CTNNA3: variants seen among roughly 807,000 people sequenced by gnomAD.
CTNNA3 encodes the protein catenin alpha 3, also known as catenin alpha-3.
CTNNA3 carries 76 observed loss-of-function variants against 95.7 expected under a neutral mutation model. The ratio of observed to expected loss-of-function variants is 0.79; its 90% CI spans 0.66 to 0.96. The LOEUF (loss-of-function observed/expected upper bound fraction) is 0.96, where lower values mean the gene tolerates loss of function less well. CTNNA3 is among the 40% of genes least tolerant of loss of function. CTNNA3 has a pLI of 0.00. For missense variants in CTNNA3, 1,191 were observed against 1,089.8 expected (o/e 1.09, Z -1.31); for synonymous variants, 431 against 374.4 (o/e 1.15, Z -1.74).
At chr10:66,179,335 G>A (rs1349956155) in intron 13 of CTNNA3, among the ~76,000 whole-genome samples, 1 of 152,060 alleles carries the variant, frequency 6.6e-6, no homozygotes, top group Non-Finnish European at 1.5e-5. Context: ...AAATTGTAGA[G>A]AGAATACTTT....
At chr10:66,000,554 T>C (rs923686180) in intron 15 of CTNNA3, among the ~76,000 whole-genome samples, 2 of 152,310 alleles carry the variant, frequency 1.3e-5, no homozygotes, top group South Asian at 4.1e-4. Context: ...GTTGAAAACA[T>C]AATAGTATTA....
chr10:67,299,179 T>C (rs755906578), intron 5 of CTNNA3, among the ~76,000 whole-genome samples: 5 of 152,118 alleles, frequency 3.3e-5, no homozygotes, highest in Admixed American at 6.6e-5. Context: ...TACTAATCTC[T>C]GACATTCCCT....
At chr10:66,086,159 A>T (rs571075473) in intron 14 of CTNNA3, among the ~76,000 whole-genome samples, 1 of 152,270 alleles carries the variant, frequency 6.6e-6, no homozygotes, top group South Asian at 2.1e-4. Context: ...CCATTCAGGC[A>T]CTAGAAATAA....
chr10:67,592,084 C>A (rs1003442919), intron 3 of CTNNA3, among the ~76,000 whole-genome samples: 2 of 152,082 alleles, frequency 1.3e-5, no homozygotes, highest in Non-Finnish European at 1.5e-5. Context: ...TGAATGATGT[C>A]TTTTAACCAA....
At chr10:66,266,750 T>C (rs962220015) in intron 13 of CTNNA3, among the ~76,000 whole-genome samples, 1 of 151,992 alleles carries the variant, frequency 6.6e-6, no homozygotes, top group Non-Finnish European at 1.5e-5. Context: ...TCATTGCAAA[T>C]ACAAAAACGC....
chr10:67,268,963 C>T (rs746583274), intron 5 of CTNNA3, among the ~76,000 whole-genome samples: 4 of 152,030 alleles, frequency 2.6e-5, no homozygotes, highest in Admixed American at 2.0e-4. Context: ...TTCAGAGAAC[C>T]GTGGTCATTG....
At chr10:67,629,894 T>C (rs17453101) in intron 2 of CTNNA3, among the ~76,000 whole-genome samples, 5,392 of 152,302 alleles carry the variant, frequency 0.035, 95 homozygotes, top group Middle Eastern at 0.075. Context: ...TTCTACTTTC[T>C]GTGTATCTTT....
At chr10:66,753,722 A>G (rs1334196051) in intron 9 of CTNNA3, among the ~76,000 whole-genome samples, 1 of 151,748 alleles carries the variant, frequency 6.6e-6, no homozygotes, top group Non-Finnish European at 1.5e-5. Flanking sequence ...ATTATATTTC[A>G]ATACACTGCA....
chr10:66,816,967 G>A (rs1360564605), intron 7 of CTNNA3, among the ~76,000 whole-genome samples: 1 of 151,988 alleles, frequency 6.6e-6, no homozygotes, highest in Admixed American at 6.6e-5. Context: ...AAAATATTTT[G>A]AGATATATTA....
At chr10:67,258,498 C>A (rs1471541092) in intron 5 of CTNNA3, among the ~76,000 whole-genome samples, 1 of 152,220 alleles carries the variant, frequency 6.6e-6, no homozygotes, top group African/African-American at 2.4e-5. Flanking sequence ...CTTAAAGTAA[C>A]AATTTATAGT....
At chr10:66,647,014 A>G (rs1315088034) in intron 9 of CTNNA3, among the ~76,000 whole-genome samples, 1 of 80,420 alleles carries the variant, frequency 1.2e-5, no homozygotes, top group African/African-American at 6.9e-5. Flanking sequence ...TCAAGCAAAA[A>G]AGAAAAAAAA....
chr10:67,729,916 A>T (rs995235598), intron 1 of CTNNA3, among the ~76,000 whole-genome samples: 10 of 152,152 alleles, frequency 6.6e-5, no homozygotes, highest in Non-Finnish European at 1.5e-4. Context: ...TGGCAAGAAA[A>T]CTTTCACAAC....
At chr10:66,156,951 C>A (rs1282827762) in intron 13 of CTNNA3, among the ~76,000 whole-genome samples, 1 of 151,874 alleles carries the variant, frequency 6.6e-6, no homozygotes, top group East Asian at 1.9e-4. Flanking sequence ...TGAGAACAGA[C>A]TGATGAGGAG....
At chr10:67,562,770 T>G (rs1841571323) in intron 3 of CTNNA3, among the ~76,000 whole-genome samples, 3 of 152,186 alleles carry the variant, frequency 2.0e-5, no homozygotes, top group Admixed American at 6.5e-5. Context: ...CTCCTTAAGC[T>G]GATAAGCAAC....
chr10:66,967,463 A>G (rs1447786682), intron 7 of CTNNA3, among the ~76,000 whole-genome samples: 1 of 151,956 alleles, frequency 6.6e-6, no homozygotes, highest in Non-Finnish European at 1.5e-5. Flanking sequence ...TAATTAATCA[A>G]TAATGGTCCC....
At chr10:66,273,465 T>C (rs1277051174) in intron 13 of CTNNA3, among the ~76,000 whole-genome samples, 2 of 152,114 alleles carry the variant, frequency 1.3e-5, no homozygotes, top group Non-Finnish European at 2.9e-5. Flanking sequence ...AGTGAAACCA[T>C]GAAAATCAAA....
At chr10:67,154,180 T>G (rs1182606307) in intron 7 of CTNNA3, among the ~76,000 whole-genome samples, 1 of 152,210 alleles carries the variant, frequency 6.6e-6, no homozygotes, top group Admixed American at 6.5e-5. Flanking sequence ...GTTTTATAAC[T>G]TTTACGATAA....
intron 1 of CTNNA3, among the ~76,000 whole-genome samples, chr10:67,721,201 C>T (rs1430380250): frequency 6.6e-6 from 1 of 152,036 alleles, no homozygotes; most frequent in Non-Finnish European, 1.5e-5. Flanking sequence ...TGAATGTTGG[C>T]CTGTCTTGCT....
chr10:66,743,189 A>T (rs188542200), intron 9 of CTNNA3, among the ~76,000 whole-genome samples: 3 of 152,294 alleles, frequency 2.0e-5, no homozygotes, highest in African/African-American at 7.2e-5. Flanking sequence ...GACATGTAAG[A>T]TACATGTATT....
Sources: allele counts gnomAD v4.1 joint callset (sites outside exome capture counted in the v4.1 genomes callset), GRCh38; gene constraint gnomAD v4.1.1; transcripts MANE v1.5; gene names NCBI Gene and HGNC (gene_info 2026-07-23, HGNC 2026-07-21).